The following LSAMP variants were observed in gnomAD, a reference collection of about 807,000 sequenced individuals.
LSAMP encodes the protein limbic system-associated membrane protein.
LSAMP carries 7 observed loss-of-function variants against 38.6 expected under a neutral mutation model. That is an observed-to-expected ratio of 0.18 (90% CI 0.10 to 0.34). The LOEUF (loss-of-function observed/expected upper bound fraction) is 0.34. LSAMP is among the 10% of genes least tolerant of loss of function. The pLI, the probability that LSAMP is intolerant of heterozygous loss-of-function variation, is 1.00. For missense variants in LSAMP, 313 were observed against 420.0 expected (o/e 0.75, Z 2.23); for synonymous variants, 154 against 166.8 (o/e 0.92, Z 0.59).
intron 1 of LSAMP, among the ~76,000 whole-genome samples, chr3:116,220,929 C>T (rs773492379): frequency 1.3e-5 from 2 of 151,966 alleles, no homozygotes; most frequent in Non-Finnish European, 2.9e-5. Flanking sequence ...CCGGGGCAGG[C>T]GGATCACGAG....
At chr3:116,018,005 C>T (rs1482184631) in intron 3 of LSAMP, among the ~76,000 whole-genome samples, 1 of 152,098 alleles carries the variant, frequency 6.6e-6, no homozygotes, top group Non-Finnish European at 1.5e-5. Flanking sequence ...AGGTTTAATT[C>T]ATTCCAAGGG....
chr3:116,235,507 GAGAT>G (rs1386309060), intron 1 of LSAMP, among the ~76,000 whole-genome samples: 1 of 152,110 alleles, frequency 6.6e-6, no homozygotes, highest in Non-Finnish European at 1.5e-5. Flanking sequence ...AAGAGAGAAA[GAGAT>G]AGAGATAGAG....
intron 6 of LSAMP, among the ~76,000 whole-genome samples, chr3:115,816,897 C>T (rs1486027800): frequency 6.6e-6 from 1 of 152,142 alleles, no homozygotes; most frequent in Non-Finnish European, 1.5e-5. Context: ...CCTGATGCTA[C>T]ATTGTATGCA....
At chr3:116,384,841 T>A (rs2048604955) in intron 1 of LSAMP, among the ~76,000 whole-genome samples, 1 of 152,210 alleles carries the variant, frequency 6.6e-6, no homozygotes, top group Non-Finnish European at 1.5e-5. Context: ...ATTATGTTTT[T>A]CTAATTCAAA....
At chr3:116,356,548 G>A (rs567620216) in intron 1 of LSAMP, among the ~76,000 whole-genome samples, 2 of 152,300 alleles carry the variant, frequency 1.3e-5, no homozygotes, top group East Asian at 3.9e-4. Context: ...CTAGTTAGCA[G>A]TAATCTGTTG....
intron 1 of LSAMP, among the ~76,000 whole-genome samples, chr3:116,385,475 T>A (rs900968329): frequency 1.2e-4 from 19 of 152,192 alleles, no homozygotes; most frequent in Non-Finnish European, 2.1e-4. Context: ...CAGTAAATTG[T>A]AACTTCACAA....
chr3:115,843,971 C>A (rs901281613), intron 4 of LSAMP, among the ~76,000 whole-genome samples: 1 of 152,126 alleles, frequency 6.6e-6, no homozygotes, highest in Admixed American at 6.5e-5. Flanking sequence ...TCCGTATAAG[C>A]ACTAAATGGG....
chr3:116,246,693 G>A (rs552942817), intron 1 of LSAMP, among the ~76,000 whole-genome samples: 4 of 152,202 alleles, frequency 2.6e-5, no homozygotes, highest in Non-Finnish European at 5.9e-5. Flanking sequence ...GCAAGAAGGG[G>A]AGGGCGTGTC....
At chr3:115,868,515 G>A (rs528176112) in intron 3 of LSAMP, among the ~76,000 whole-genome samples, 1 of 152,244 alleles carries the variant, frequency 6.6e-6, no homozygotes, top group South Asian at 2.1e-4. Context: ...AACACATTTA[G>A]AGCCAGTTAG....
At chr3:116,121,636 T>C (rs560462301) in intron 1 of LSAMP, among the ~76,000 whole-genome samples, 7 of 152,226 alleles carry the variant, frequency 4.6e-5, no homozygotes, top group African/African-American at 1.4e-4. Flanking sequence ...CTACCAGCAA[T>C]TTTATGAGAT....
intron 1 of LSAMP, among the ~76,000 whole-genome samples, chr3:116,233,686 T>A (rs1459745931): frequency 2.7e-5 from 4 of 150,404 alleles, no homozygotes; most frequent in South Asian, 2.1e-4. Context: ...GAGATTATAT[T>A]TTTTTTTTAG....
At chr3:116,038,215 A>T (rs1941090008) in intron 2 of LSAMP, among the ~76,000 whole-genome samples, 1 of 152,176 alleles carries the variant, frequency 6.6e-6, no homozygotes, top group Non-Finnish European at 1.5e-5. Context: ...AGGATGGGAA[A>T]ATTAACTTAT....
chr3:116,154,035 A>G lies in LSAMP; in HGVS notation c.156-67479T>C, dbSNP rs560781612. 3.3e-5 allele frequency among the ~76,000 whole-genome samples: 5 copies of G among 152,276 alleles called. No homozygotes were observed. In the East Asian group the frequency reaches 9.7e-4, roughly 29 times the overall value. The stretch of plus-strand genomic sequence containing the variant: ...ATAATTTGTAACAATAGTCTATGAC[A>G]TAAGCAACATGAGAGTTATCCTGAG... On this transcript the variant is annotated intron_variant, in intron 1 of 6. Transcript: ENST00000490035.
At chr3:116,425,933 C>G (rs1162313807) in intron 1 of LSAMP, among the ~76,000 whole-genome samples, 1 of 151,442 alleles carries the variant, frequency 6.6e-6, no homozygotes. Flanking sequence ...AGGAAACATT[C>G]CTAACAAAAA....
intron 1 of LSAMP, among the ~76,000 whole-genome samples, chr3:116,136,886 C>T (rs762741739): frequency 6.6e-6 from 1 of 152,080 alleles, no homozygotes; most frequent in Non-Finnish European, 1.5e-5. Context: ...TAGCTCATTA[C>T]ATTAGTTTCC....
intron 3 of LSAMP, among the ~76,000 whole-genome samples, chr3:115,933,413 T>A (rs1937613052): frequency 6.6e-6 from 1 of 152,176 alleles, no homozygotes; most frequent in Admixed American, 6.5e-5. Context: ...GCTTTGTGAA[T>A]GACTAAATTT....
chr3:116,389,993 T>TA (rs1206464425), intron 1 of LSAMP, among the ~76,000 whole-genome samples: 1 of 152,158 alleles, frequency 6.6e-6, no homozygotes, highest in Admixed American at 6.5e-5. Flanking sequence ...GCTGGAACAT[T>TA]AAATGTCCAC....
rs1441519573 is a variant in LSAMP at position 115,804,224 on chromosome 3, T to C, written c.*6093A>G. 1 of 152,142 alleles carries C rather than the reference T, an allele frequency of 6.6e-6. No individual in the cohort carries two copies. Among genetic ancestry groups the C allele is most frequent in the Admixed American group, 6.6e-5 (1 of 15,260 alleles). 9.4% of individuals were successfully genotyped at this position (152,142 alleles called of 1,614,324 possible). A position where few individuals can be genotyped will look rare whatever the true frequency, so the allele number is the denominator to read the frequency against. ...AGTGATGAGAATACAGAGACCAAAC[T>C]AGAGATAACAAACAGCTGCTGTTTA... On this transcript the variant is annotated 3_prime_UTR_variant, in exon 7 of 7. Transcript: ENST00000490035.
intron 1 of LSAMP, among the ~76,000 whole-genome samples, chr3:116,391,603 G>A (rs1016247529): frequency 2.6e-5 from 4 of 151,886 alleles, no homozygotes; most frequent in Non-Finnish European, 5.9e-5. Flanking sequence ...TGGCAAGGAG[G>A]GGCCCAGAGG....
Sources: allele counts gnomAD v4.1 joint callset (sites outside exome capture counted in the v4.1 genomes callset), GRCh38; gene constraint gnomAD v4.1.1; transcripts MANE v1.5; gene names NCBI Gene and HGNC (gene_info 2026-07-23, HGNC 2026-07-21).